The following KIAA1217 variants were observed in gnomAD, a reference collection of about 807,000 sequenced individuals.
The protein encoded by KIAA1217 is KIAA1217, also known as sickle tail protein homolog.
In KIAA1217, 88 loss-of-function variants were observed where a neutral mutation model predicts 163.9. That is an observed-to-expected ratio of 0.54 (90% CI 0.45 to 0.64). KIAA1217 has a LOEUF of 0.64. KIAA1217 is among the 30% of genes least tolerant of loss of function. The probability of loss-of-function intolerance (pLI) is 0.00; values close to 1 mark genes in which losing one functional copy is unlikely to be tolerated. For missense variants in KIAA1217, 2,372 were observed against 2,475.0 expected (o/e 0.96, Z 0.88); for synonymous variants, 903 against 923.1 (o/e 0.98, Z 0.39).
chr10:24,381,559 C>T (rs1564578133), intron 3 of KIAA1217, among the ~76,000 whole-genome samples: 1 of 152,296 alleles, frequency 6.6e-6, no homozygotes, highest in Non-Finnish European at 1.5e-5. Context: ...TTGCATGCTC[C>T]TTATGAGAAT....
At chr10:24,507,022 A>G (rs1407492379) in intron 9 of KIAA1217, among the ~76,000 whole-genome samples, 1 of 152,240 alleles carries the variant, frequency 6.6e-6, no homozygotes, top group African/African-American at 2.4e-5. Context: ...GGAGATGTTC[A>G]CGTTTTGAAA....
chr10:24,237,918 C>T (rs372886614), intron 2 of KIAA1217, among the ~76,000 whole-genome samples: 36 of 152,316 alleles, frequency 2.4e-4, no homozygotes, highest in Middle Eastern at 3.4e-3. Flanking sequence ...GGCAATGCAA[C>T]GCTTACAGAA....
intron 2 of KIAA1217, among the ~76,000 whole-genome samples, chr10:24,307,789 GA>G (rs1333208125): frequency 6.6e-6 from 1 of 151,926 alleles, no homozygotes; most frequent in Non-Finnish European, 1.5e-5. Context: ...TCAAAAAAAA[GA>G]AAAGAACTGG....
At chr10:23,853,542 G>T (rs1839473240) in intron 1 of KIAA1217, among the ~76,000 whole-genome samples, 1 of 152,174 alleles carries the variant, frequency 6.6e-6, no homozygotes, top group Non-Finnish European at 1.5e-5. Context: ...ATGAGTTAGG[G>T]AGTATTCCCT....
intron 2 of KIAA1217, among the ~76,000 whole-genome samples, chr10:24,260,882 TTC>T (rs1787959903): frequency 6.6e-6 from 1 of 152,196 alleles, no homozygotes; most frequent in Non-Finnish European, 1.5e-5. Context: ...GTTTCCCCTG[TTC>T]TGTCTGTGAA....
At position 24,429,760 on chromosome 10, in the gene KIAA1217, G is replaced by A. The variant is rs1358778816; in HGVS notation, c.554-3235G>A. The stretch of plus-strand genomic sequence containing the variant: ...GGGAGTCAGTTAATGTAAGAGGGAG[G>A]CACGGTTGTAATTTTGGGAAGTTTT... On this transcript the variant is annotated intron_variant, in intron 3 of 20. Coordinates refer to ENST00000376454, the MANE Select transcript of KIAA1217 (RefSeq NM_019590.5). 5.3e-5 allele frequency among the ~76,000 whole-genome samples: 8 copies of A among 152,204 alleles called. No individual in the cohort carries two copies. In the East Asian group the frequency reaches 1.5e-3, roughly 29 times the overall value.
chr10:24,236,672 G>A (rs1448823500), intron 2 of KIAA1217, among the ~76,000 whole-genome samples: 4 of 147,330 alleles, frequency 2.7e-5, no homozygotes, highest in African/African-American at 1.0e-4. Context: ...TTTTTTTTGA[G>A]GCATGTTCTT....
chr10:24,325,501 T>C (rs1034084751), intron 2 of KIAA1217, among the ~76,000 whole-genome samples: 2 of 152,166 alleles, frequency 1.3e-5, no homozygotes, highest in East Asian at 3.9e-4. Context: ...AGAGAGAGTA[T>C]AGAGCTAGCA....
chr10:24,542,800 A>C (rs1339799597), intron 18 of KIAA1217, 30 bp downstream of exon 18: 3 of 1,612,630 alleles, frequency 1.9e-6, no homozygotes, highest in Admixed American at 3.3e-5. Context: ...GTTCCGACCA[A>C]TACCATGCAC....
At chr10:24,455,913 G>A (rs529022784) in intron 5 of KIAA1217, among the ~76,000 whole-genome samples, 40 of 152,212 alleles carry the variant, frequency 2.6e-4, no homozygotes, top group Non-Finnish European at 4.4e-4. Context: ...TCTGAGACAC[G>A]AGTCTCCCTC....
intron 2 of KIAA1217, chr10:24,158,163 G>A: frequency 1.3e-6 from 1 of 749,280 alleles, no homozygotes; most frequent in Non-Finnish European, 2.5e-6. Context: ...ACTTCAAGAA[G>A]ACAGCCAAAC....
At chr10:24,449,025 A>G (rs1209864088) in intron 5 of KIAA1217, among the ~76,000 whole-genome samples, 2 of 152,202 alleles carry the variant, frequency 1.3e-5, no homozygotes, top group Non-Finnish European at 2.9e-5. Context: ...GAACTCATTT[A>G]TGAGTGATAT....
chr10:23,908,198 G>A (rs1232647518), intron 1 of KIAA1217, among the ~76,000 whole-genome samples: 2 of 152,138 alleles, frequency 1.3e-5, no homozygotes, highest in African/African-American at 4.8e-5. Flanking sequence ...CACAAGTAGA[G>A]TGAAGGGAAG....
intron 1 of KIAA1217, among the ~76,000 whole-genome samples, chr10:23,961,273 G>A (rs560797611): frequency 6.6e-6 from 1 of 152,222 alleles, no homozygotes; most frequent in Admixed American, 6.5e-5. Context: ...GTAAATGAGT[G>A]CATTCATTAT....
At chr10:24,484,241 A>ATATATATATATTTTTTTTTT (rs1376083298) in intron 6 of KIAA1217, among the ~76,000 whole-genome samples, 3 of 75,158 alleles carry the variant, frequency 4.0e-5, no homozygotes, top group Non-Finnish European at 5.0e-5. Flanking sequence ...ATATATATAT[A>ATATATATATATTTTTTTTTT]TTTTTTTTTT....
intron 2 of KIAA1217, among the ~76,000 whole-genome samples, chr10:24,190,513 C>T (rs974233958): frequency 2.0e-5 from 3 of 152,170 alleles, no homozygotes; most frequent in African/African-American, 7.2e-5. Flanking sequence ...GCCCTAAATT[C>T]CCGTGGGCTT....
At chr10:24,536,559 G>A (rs768533396) in intron 16 of KIAA1217, among the ~76,000 whole-genome samples, 4 of 152,152 alleles carry the variant, frequency 2.6e-5, no homozygotes, top group Non-Finnish European at 4.4e-5. Flanking sequence ...CCCCAAGAAA[G>A]GAAGGCAGCC....
At chr10:24,353,120 G>A (rs962128045) in intron 2 of KIAA1217, among the ~76,000 whole-genome samples, 1 of 152,090 alleles carries the variant, frequency 6.6e-6, no homozygotes, top group Non-Finnish European at 1.5e-5. Context: ...GTTCAGACAA[G>A]CCAGGGGCAC....
chr10:23,887,852 A>G (rs747729363), intron 1 of KIAA1217, among the ~76,000 whole-genome samples: 11 of 151,948 alleles, frequency 7.2e-5, no homozygotes, highest in African/African-American at 1.9e-4. Context: ...AGTTTTACCA[A>G]TGACTGAGAA....
Sources: gnomAD v4.1 joint callset for allele counts (sites outside exome capture counted in the v4.1 genomes callset) on GRCh38, gnomAD v4.1.1 for gene constraint, MANE v1.5 for transcripts, NCBI Gene and HGNC (gene_info 2026-07-23, HGNC 2026-07-21) for gene names.